FUBP1: variants seen among roughly 807,000 people sequenced by gnomAD.
FUBP1 encodes far upstream element-binding protein 1.
FUBP1 carries 16 observed loss-of-function variants against 94.9 expected under a neutral mutation model. That is an observed-to-expected ratio of 0.17 (90% confidence interval 0.11 to 0.26). The LOEUF (loss-of-function observed/expected upper bound fraction) is 0.26, where lower values mean the gene tolerates loss of function less well. Ranked by LOEUF, FUBP1 falls within the 10% of genes least tolerant of loss-of-function variation. FUBP1 has a pLI of 1.00. For missense variants in FUBP1, 583 were observed against 808.6 expected (o/e 0.72, Z 3.38); for synonymous variants, 279 against 254.9 (o/e 1.09, Z -0.90).
intron 1 of FUBP1, among the ~76,000 whole-genome samples, chr1:77,978,338 AGACT>A (rs1345088969): frequency 1.3e-5 from 2 of 152,238 alleles, no homozygotes; most frequent in Non-Finnish European, 2.9e-5. Context: ...CTGGTGGAAC[AGACT>A]GACACGTAAA....
intron 16 of FUBP1, among the ~76,000 whole-genome samples, chr1:77,958,576 C>T (rs1266718854): frequency 1.3e-5 from 2 of 152,236 alleles, no homozygotes; most frequent in African/African-American, 4.8e-5. Flanking sequence ...GGCCAACCAG[C>T]TGGTTTTAGT....
chr1:77,958,514 T>C (rs1023036355), intron 16 of FUBP1, among the ~76,000 whole-genome samples: 6 of 152,222 alleles, frequency 3.9e-5, no homozygotes, highest in Non-Finnish European at 7.3e-5. Flanking sequence ...AAGTCTAATA[T>C]AAGCAATATC....
chr1:77,950,683 A>G (rs138164900), intron 18 of FUBP1, among the ~76,000 whole-genome samples: 1 of 152,306 alleles, frequency 6.6e-6, no homozygotes, highest in Non-Finnish European at 1.5e-5. Flanking sequence ...CTTAAGCACT[A>G]TTTTATTTCG....
chr1:77,953,079 T>C (rs1005210964), intron 18 of FUBP1, among the ~76,000 whole-genome samples: 2 of 151,822 alleles, frequency 1.3e-5, no homozygotes, highest in African/African-American at 4.8e-5. Flanking sequence ...GAGGTTGCAC[T>C]GAGACGAAAT....
chr1:77,961,441 T>C (rs1264527249), intron 14 of FUBP1, among the ~76,000 whole-genome samples: 1 of 152,222 alleles, frequency 6.6e-6, no homozygotes, highest in African/African-American at 2.4e-5. Context: ...GTAAAAATAA[T>C]ACTGAAAAAG....
intron 18 of FUBP1, among the ~76,000 whole-genome samples, chr1:77,953,777 A>G (rs1345504335): frequency 6.6e-6 from 1 of 152,168 alleles, no homozygotes; most frequent in Non-Finnish European, 1.5e-5. Flanking sequence ...ATTTTGAGTA[A>G]AACATAAAAA....
At chr1:77,962,982 G>C in intron 13 of FUBP1, 52 bp from the exon 14 acceptor site, 7 of 1,302,676 alleles carry the variant, frequency 5.4e-6, no homozygotes, top group Non-Finnish European at 7.5e-6. Flanking sequence ...TGTACTAGGA[G>C]CTATTTAGAA....
At chr1:77,959,818 T>C (rs1261776596) in intron 16 of FUBP1, among the ~76,000 whole-genome samples, 1 of 152,198 alleles carries the variant, frequency 6.6e-6, no homozygotes, top group East Asian at 1.9e-4. Context: ...CCAGCCCCTA[T>C]CACATACTTT....
rs981808296 is a variant in FUBP1 at position 77,946,070 on chromosome 1, G to T, written c.*2696C>A. On this transcript the variant is annotated 3_prime_UTR_variant, in exon 20 of 20. Coordinates refer to ENST00000370768, the MANE Select transcript of FUBP1 (RefSeq NM_003902.5). ...ATAATATCCTTACTGAATTATTATAGTTTAAGAATAAGAAAAAAATAAAGA... is the reference window on the plus strand; with the variant it reads ...ATAATATCCTTACTGAATTATTATATTTTAAGAATAAGAAAAAAATAAAGA... 2.6e-5 allele frequency among the ~76,000 whole-genome samples: 4 copies of T among 151,774 alleles called. No individual in the cohort carries two copies. Among genetic ancestry groups the T allele is most frequent in the Non-Finnish European group, 5.9e-5 (4 of 67,852 alleles).
chr1:77,959,441 G>A (rs1418828373), intron 16 of FUBP1, among the ~76,000 whole-genome samples: 1 of 152,134 alleles, frequency 6.6e-6, no homozygotes, highest in Non-Finnish European at 1.5e-5. Context: ...GTCATATGAG[G>A]AGTACTAGAA....
Position 77,948,407 on chromosome 1 carries a change from G to A in FUBP1, c.*359C>T. On this transcript the variant is annotated 3_prime_UTR_variant, in exon 20 of 20. Transcript: ENST00000370768. Reference sequence around the variant, plus strand: ...ACATATCCAACTTACCGACACAGGAGGTTTCATATCATTTATTGTAAAGCA... The same window carrying A: ...ACATATCCAACTTACCGACACAGGAAGTTTCATATCATTTATTGTAAAGCA... 9.2e-7 allele frequency: 1 copy of A among 1,081,672 alleles called. No individual in the cohort carries two copies. The allele number at this position is 1,081,672 out of a possible 1,614,324, so 67.0% of individuals were successfully genotyped here. A position where few individuals can be genotyped will look rare whatever the true frequency, so the allele number is the denominator to read the frequency against.
Position 77,945,066 on chromosome 1 carries a change from T to C in FUBP1, c.*3700A>G, listed in dbSNP as rs1395812521. ...AAATCAACTGGCTCACCTTTTCTGC[T>C]TTCCATTTATTTCAGACTTAAGATC... On this transcript the variant is annotated 3_prime_UTR_variant, in exon 20 of 20. Coordinates refer to ENST00000370768, the MANE Select transcript of FUBP1 (RefSeq NM_003902.5). 6.6e-6 allele frequency among the ~76,000 whole-genome samples: 1 copy of C among 152,050 alleles called. No homozygotes were observed. The highest frequency in any genetic ancestry group is 1.5e-5 in the Non-Finnish European group (1 of 67,894).
At position 77,970,011 on chromosome 1, in the gene FUBP1, G is replaced by T; in HGVS notation, c.125C>A (p.Ala42Glu). ...CCCTGCATCACCTCCAATTTTTGCT[G>T]CAATCTAAAAAAAAAAAAGAAAAAT... is the stretch of plus-strand genomic sequence containing the variant. ...KDALQRARQIAAKIGGDAGTS... is the reference protein window; with the variant it reads ...KDALQRARQIEAKIGGDAGTS... Residue 42 changes from alanine (A) to glutamate (E), a missense_variant, in exon 2 of 20, where the codon GCA (alanine) becomes GAA (glutamate). Physicochemically the swap from Ala to Glu is moderately radical, Grantham distance 107 (BLOSUM62 -1). Transcript: ENST00000370768. 2 of 1,535,378 alleles carry T rather than the reference G, an allele frequency of 1.3e-6. No homozygotes were observed. Among genetic ancestry groups the T allele is most frequent in the Non-Finnish European group, 1.8e-6 (2 of 1,126,122 alleles).
At chr1:77,965,445 T>C (rs1571313184) in intron 7 of FUBP1, among the ~76,000 whole-genome samples, 1 of 152,190 alleles carries the variant, frequency 6.6e-6, no homozygotes, top group South Asian at 2.1e-4. Flanking sequence ...TTTCTAGATA[T>C]ACAATTTTTA....
In FUBP1 at chr1:77,949,224, A is replaced by G; in HGVS notation, c.1857T>C (p.Tyr619=). 4 of 1,613,720 alleles carry G rather than the reference A, an allele frequency of 2.5e-6. No individual in the cohort carries two copies. The highest frequency in any genetic ancestry group is 3.4e-6 in the Non-Finnish European group (4 of 1,179,624). ...PDYSAAWAEY[Y]RQQAAYYAQT... ...GGGCATAATAGGCTGCTTGTTGTCT[A>G]TAATACTCAGCCCAGGCTGCACTAT... The change falls in exon 19 of 20, where the codon TAT becomes TAC. Residue 619 remains tyrosine, a synonymous_variant. Transcript: ENST00000370768.
At chr1:77,961,060 T>G (rs1174681786) in intron 14 of FUBP1, among the ~76,000 whole-genome samples, 1 of 152,234 alleles carries the variant, frequency 6.6e-6, no homozygotes, top group Non-Finnish European at 1.5e-5. Flanking sequence ...TATATCCTTT[T>G]TGGCCTTTCA....
At chr1:77,961,148 T>C (rs1044003109) in intron 14 of FUBP1, among the ~76,000 whole-genome samples, 7 of 152,254 alleles carry the variant, frequency 4.6e-5, no homozygotes, top group Admixed American at 3.9e-4. Flanking sequence ...ATCCTTATCA[T>C]GCATGCATGC....
At chr1:77,974,104 C>T (rs1658122742) in intron 1 of FUBP1, among the ~76,000 whole-genome samples, 1 of 150,826 alleles carries the variant, frequency 6.6e-6, no homozygotes, top group Non-Finnish European at 1.5e-5. Context: ...GTACTACAGG[C>T]AAGCACCACC....
intron 1 of FUBP1, among the ~76,000 whole-genome samples, chr1:77,970,344 A>G (rs942283463): frequency 6.6e-6 from 1 of 152,224 alleles, no homozygotes; most frequent in Non-Finnish European, 1.5e-5. Flanking sequence ...AGATGTGTGT[A>G]AACACATAGA....
Sources: allele counts gnomAD v4.1 joint callset (sites outside exome capture counted in the v4.1 genomes callset), GRCh38; gene constraint gnomAD v4.1.1; transcripts MANE v1.5; gene names NCBI Gene and HGNC (gene_info 2026-07-23, HGNC 2026-07-21).